FGD5: variants seen among roughly 807,000 people sequenced by gnomAD.
FGD5 encodes the protein FYVE, RhoGEF and PH domain-containing protein 5.
A neutral mutation model predicts 133.4 loss-of-function variants in FGD5; 28 were observed. The ratio of observed to expected loss-of-function variants is 0.21; its 90% CI spans 0.16 to 0.29. FGD5 has a LOEUF of 0.29. Among genes scored for constraint, FGD5 ranks in the 10% least tolerant of loss-of-function variants. The pLI is 1.00. For synonymous variants in FGD5, 810 were observed against 776.5 expected (o/e 1.04, Z -0.72); for missense variants, 1,858 against 1,895.2 (o/e 0.98, Z 0.36).
At chr3:14,915,395 C>CT (rs1476559199) in intron 11 of FGD5, among the ~76,000 whole-genome samples, 27 of 152,262 alleles carry the variant, frequency 1.8e-4, no homozygotes, top group African/African-American at 6.0e-4. Context: ...CACATCCCTA[C>CT]TTTATGTTTT....
chr3:14,816,101 A>G (rs117653558), upstream of FGD5, among the ~76,000 whole-genome samples: 4 of 152,310 alleles, frequency 2.6e-5, no homozygotes, highest in East Asian at 7.7e-4. Context: ...GACACCCACC[A>G]TAACCTTTCC....
chr3:14,864,290 A>G (rs1056761291), intron 2 of FGD5, 30 bp downstream of exon 2: 2 of 1,613,480 alleles, frequency 1.2e-6, no homozygotes, highest in Admixed American at 1.7e-5. Context: ...GGCCGTGGGC[A>G]TCGGAGACGT....
chr3:14,900,844 A>C (rs1559499152), intron 8 of FGD5, among the ~76,000 whole-genome samples, 159 bp from the exon 9 acceptor site: 1 of 152,228 alleles, frequency 6.6e-6, no homozygotes, highest in Non-Finnish European at 1.5e-5. Context: ...GTTTACAGCC[A>C]GGGAAACTGA....
chr3:14,918,163 C>G (rs1262336260), intron 12 of FGD5, among the ~76,000 whole-genome samples: 1 of 152,208 alleles, frequency 6.6e-6, no homozygotes, highest in Non-Finnish European at 1.5e-5. Context: ...CACTTGGGAG[C>G]TGTTGGGGAC....
Position 14,917,463 on chromosome 3 carries a change from C to T in FGD5, c.3489+131C>T, listed in dbSNP as rs1352047577. On this transcript the variant is annotated intron_variant, in intron 12 of 19. Transcript: ENST00000285046. This position sits in a 1 kb window ranked among gnomAD's most constrained non-coding sequence, Gnocchi z 4.1. ...GAGGCCCTGCGGAAACAGTGTTGGG[C>T]TACAGCAAGTTTGTGCTGTAAGTTG... 1 of 789,876 alleles carries T rather than the reference C, an allele frequency of 1.3e-6. No homozygotes were observed. The highest frequency in any genetic ancestry group is 2.0e-6 in the Non-Finnish European group (1 of 494,508). The allele number at this position is 789,876 out of a possible 1,614,324, so 48.9% of individuals were successfully genotyped here.
intron 4 of FGD5, chr3:14,882,229 G>A (rs941315059): frequency 3.4e-6 from 3 of 888,506 alleles, no homozygotes; most frequent in Non-Finnish European, 2.7e-6. Context: ...CCTTATTTCT[G>A]GGCTGACAGC....
chr3:14,932,825 A>G, intron 19 of FGD5, 94 bp downstream of exon 19: 1 of 1,423,764 alleles, frequency 7.0e-7, no homozygotes, highest in East Asian at 2.3e-5. Context: ...TGCTCCATTC[A>G]TCCTATCCCA....
chr3:14,814,127 C>T (rs2036335770), upstream of FGD5, among the ~76,000 whole-genome samples: 1 of 151,986 alleles, frequency 6.6e-6, no homozygotes, highest in Non-Finnish European at 1.5e-5. Context: ...CCCCCAGGCT[C>T]CGTGATACAA....
chr3:14,861,025 A>C (rs1035254955), intron 1 of FGD5, among the ~76,000 whole-genome samples: 6 of 152,190 alleles, frequency 3.9e-5, no homozygotes, highest in South Asian at 2.1e-4. Flanking sequence ...AGAATACAGC[A>C]TATGACCTCA....
chr3:14,905,241 G>A (rs1433433715), intron 9 of FGD5, among the ~76,000 whole-genome samples: 4 of 152,186 alleles, frequency 2.6e-5, no homozygotes, highest in Non-Finnish European at 4.4e-5. Flanking sequence ...AAAGTCTGCT[G>A]TGATACTCAT....
chr3:14,869,429 G>T (rs1252289483), intron 2 of FGD5, among the ~76,000 whole-genome samples: 2 of 152,220 alleles, frequency 1.3e-5, no homozygotes, highest in African/African-American at 4.8e-5. Context: ...TTAAAAAATT[G>T]TGGGAAAATA....
rs1553629225 is a variant in FGD5 at position 14,893,756 on chromosome 3, T to TTC, written c.2749-3752_2749-3751insCT. On this transcript the variant is annotated intron_variant, in intron 4 of 19. Transcript: ENST00000285046. The stretch of plus-strand genomic sequence containing the variant: ...TTTTTCTTTCTTTTCTTTTTTCTTT[T>TTC]TTTTTTTTTTTTTTTTGAGACAGAG... Among the ~76,000 whole-genome samples the TTC allele has an allele frequency of 3.2e-3, 435 of 135,822 alleles. 3 individuals are homozygous for TTC. Among genetic ancestry groups the TTC allele is most frequent in the Admixed American group, 6.3e-3 (86 of 13,668 alleles). 89.1% of individuals were successfully genotyped at this position (135,822 alleles called of 152,430 possible).
At chr3:14,865,296 A>T (rs1239343602) in intron 2 of FGD5, among the ~76,000 whole-genome samples, 1 of 152,178 alleles carries the variant, frequency 6.6e-6, no homozygotes, top group African/African-American at 2.4e-5. Flanking sequence ...TTGATTAAAG[A>T]CCATTGCAAG....
At chr3:14,861,917 C>T (rs1311562713) in intron 1 of FGD5, among the ~76,000 whole-genome samples, 2 of 152,112 alleles carry the variant, frequency 1.3e-5, no homozygotes, top group African/African-American at 2.4e-5. Context: ...GTCATTATGG[C>T]CACTGGGTGG....
rs1478801904 is a variant in FGD5, at chr3:14,932,616, A to G, written c.4237A>G (p.Thr1413Ala). The G allele has an allele frequency of 1.9e-6, 3 of 1,614,016 alleles. No homozygotes were observed. The highest frequency in any genetic ancestry group is 1.6e-4 in the Middle Eastern group (1 of 6,062). ...GGAGAGTATGCCTCTGCTAGGCTTCACCATTGCTCCAGAAAAGGAAGAGGG... is the reference window on the plus strand; with the variant it reads ...GGAGAGTATGCCTCTGCTAGGCTTCGCCATTGCTCCAGAAAAGGAAGAGGG... ...ALESMPLLGF[T>A]IAPEKEEGSS... The change falls in exon 19 of 20, where the codon ACC becomes GCC. Residue 1413 changes from threonine to alanine, a missense_variant. Thr to Ala is a moderately conservative substitution (Grantham distance 58, BLOSUM62 0). This residue lies in a region of FGD5 where 1,824 missense variants were observed against 1,848.9 expected (regional missense o/e 0.99). Coordinates refer to ENST00000285046, the MANE Select transcript of FGD5 (RefSeq NM_152536.4).
Position 14,819,252 on chromosome 3 carries a change from A to G in FGD5, c.181A>G (p.Thr61Ala). 1.3e-6 allele frequency: 2 copies of G among 1,539,340 alleles called. No homozygotes were observed. Among genetic ancestry groups the G allele is most frequent in the Non-Finnish European group, 1.8e-6 (2 of 1,141,290 alleles). Residue 61 changes from threonine to alanine, a missense_variant, in exon 1 of 20, where the codon ACC becomes GCC. This residue lies in a region of FGD5 where 1,824 missense variants were observed against 1,848.9 expected (regional missense o/e 0.99). Coordinates refer to ENST00000285046, the MANE Select transcript of FGD5 (RefSeq NM_152536.4). This position sits in a 1 kb window ranked among gnomAD's most constrained non-coding sequence, Gnocchi z 4.1. ...CATCCCAAAGTGCTCTGAGTCGGAGACCGACGAGGATTACATCGTGGTCCC... is the reference window on the plus strand; with the variant it reads ...CATCCCAAAGTGCTCTGAGTCGGAGGCCGACGAGGATTACATCGTGGTCCC... Reference protein sequence around the residue: ...RSIPKCSESETDEDYIVVPRV... With the variant: ...RSIPKCSESEADEDYIVVPRV...
At chr3:14,861,097 CTTAAA>C (rs977826168) in intron 1 of FGD5, among the ~76,000 whole-genome samples, 3 of 152,296 alleles carry the variant, frequency 2.0e-5, no homozygotes, top group African/African-American at 7.2e-5. Flanking sequence ...AATGAGTTAA[CTTAAA>C]GAAAACATGA....
At chr3:14,907,788 GC>G in intron 10 of FGD5, 77 bp downstream of exon 10, 1 of 1,447,162 alleles carries the variant, frequency 6.9e-7, no homozygotes, top group Admixed American at 1.9e-5. Context: ...CACTGGGCTG[GC>G]CCCAGACAGG....
chr3:14,829,684 G>C (rs916818886), intron 1 of FGD5, among the ~76,000 whole-genome samples: 3 of 152,150 alleles, frequency 2.0e-5, no homozygotes, highest in Non-Finnish European at 4.4e-5. Flanking sequence ...GTCTTTAAGA[G>C]TAAAGGAGAC....
Sources: allele counts gnomAD v4.1 joint callset (sites outside exome capture counted in the v4.1 genomes callset), GRCh38; gene constraint gnomAD v4.1.1; regional missense constraint gnomAD v4.1.1; non-coding constraint Gnocchi (gnomAD v3.1); transcripts MANE v1.5; gene names NCBI Gene and HGNC (gene_info 2026-07-23, HGNC 2026-07-21).